The following PHTF2 variants were observed in gnomAD, a reference collection of about 807,000 sequenced individuals.
PHTF2 encodes protein PHTF2.
In PHTF2, 60 loss-of-function variants were observed where a neutral mutation model predicts 101.2. The observed-to-expected ratio is 0.59, with a 90% confidence interval of 0.48 to 0.73. The LOEUF (loss-of-function observed/expected upper bound fraction) is 0.73, where lower values mean the gene tolerates loss of function less well. Among genes scored for constraint, PHTF2 ranks in the 30% least tolerant of loss-of-function variants. The pLI is 0.00. For synonymous variants in PHTF2, 311 were observed against 307.3 expected (o/e 1.01, Z -0.13); for missense variants, 747 against 908.7 (o/e 0.82, Z 2.29).
chr7:77,862,954 C>T (rs1314468629), intron 3 of PHTF2, among the ~76,000 whole-genome samples: 1 of 152,128 alleles, frequency 6.6e-6, no homozygotes, highest in Non-Finnish European at 1.5e-5. Context: ...AACAGGTAAA[C>T]TTAGAAGCTA....
intron 3 of PHTF2, among the ~76,000 whole-genome samples, chr7:77,890,865 A>C (rs1244019447): frequency 6.6e-6 from 1 of 150,422 alleles, no homozygotes; most frequent in Non-Finnish European, 1.5e-5. Context: ...TCGGCCTCCC[A>C]AAGTGCTGGG....
Position 77,903,922 on chromosome 7 carries a change from A to G in PHTF2, c.445+2002A>G, listed in dbSNP as rs142905607. Among the ~76,000 whole-genome samples the G allele has an allele frequency of 7.3e-3, 1,108 of 152,292 alleles. 5 individuals carry two copies. Among genetic ancestry groups the G allele is most frequent in the Non-Finnish European group, 0.012 (812 of 68,034 alleles). On this transcript the variant is annotated intron_variant, in intron 7 of 19. Coordinates refer to ENST00000416283, the Ensembl canonical transcript of PHTF2. Reference sequence around the variant, plus strand: ...CAGTCAGATTTGGTTTTATATAACTATGTATAGTTTTTTTTATTTCAATTA... The same window carrying G: ...CAGTCAGATTTGGTTTTATATAACTGTGTATAGTTTTTTTTATTTCAATTA...
chr7:77,837,861 A>G (rs1795585405), intron 1 of PHTF2, among the ~76,000 whole-genome samples: 1 of 152,162 alleles, frequency 6.6e-6, no homozygotes, highest in African/African-American at 2.4e-5. Context: ...AATATCTGAT[A>G]TGTTTAATAG....
chr7:77,925,484 T>G (rs1276572400), intron 11 of PHTF2, among the ~76,000 whole-genome samples: 5 of 142,322 alleles, frequency 3.5e-5, no homozygotes, highest in African/African-American at 1.3e-4. Context: ...TTATAGGCAA[T>G]AGTTTTTAGG....
At chr7:77,901,915 T>C in exon 7 of PHTF2, 3 of 1,573,462 alleles carry the variant, frequency 1.9e-6, no homozygotes, top group Non-Finnish European at 1.7e-6. Context: ...CTTTATCTTC[T>C]TCAAGGTATA....
At chr7:77,946,264 G>A (rs547124759) in intron 16 of PHTF2, among the ~76,000 whole-genome samples, 20 of 152,234 alleles carry the variant, frequency 1.3e-4, no homozygotes, top group African/African-American at 4.6e-4. Context: ...CATGATACAA[G>A]GACTAGGAAG....
chr7:77,845,084 A>G (rs908931421), intron 2 of PHTF2, among the ~76,000 whole-genome samples: 1 of 152,208 alleles, frequency 6.6e-6, no homozygotes, highest in Non-Finnish European at 1.5e-5. Flanking sequence ...CTGCTTTCAT[A>G]TATCTAGTTT....
rs1421558669 is a variant in PHTF2 at position 77,813,783 on chromosome 7, C to T, written c.-36+14812C>T. On this transcript the variant is annotated intron_variant, in intron 1 of 19. Transcript: ENST00000416283. The stretch of plus-strand genomic sequence containing the variant: ...ACAGATTGAAACATTGGTTTCCTGA[C>T]TTACAGAAAATTTCTTCAGATTAAA... Among the ~76,000 whole-genome samples the T allele has an allele frequency of 4.6e-5, 7 of 152,172 alleles. No homozygotes were observed. In the South Asian group the frequency reaches 8.3e-4, roughly 18 times the overall value.
intron 3 of PHTF2, among the ~76,000 whole-genome samples, chr7:77,856,910 G>GA (rs1797230379): frequency 6.6e-6 from 1 of 152,026 alleles, no homozygotes; most frequent in Admixed American, 6.6e-5. Flanking sequence ...GATACTGAGG[G>GA]ATGACTTTAT....
At chr7:77,910,317 A>G (rs1323176047) in exon 9 of PHTF2, 1 of 1,613,608 alleles carries the variant, frequency 6.2e-7, no homozygotes, top group African/African-American at 1.3e-5. Context: ...ATAACACACA[A>G]GAGGGAGCAG....
intron 9 of PHTF2, among the ~76,000 whole-genome samples, chr7:77,917,923 G>T (rs1803085616): frequency 6.6e-6 from 1 of 152,180 alleles, no homozygotes; most frequent in Non-Finnish European, 1.5e-5. Context: ...CTACAGCTTA[G>T]TAAATTACTG....
intron 1 of PHTF2, among the ~76,000 whole-genome samples, chr7:77,830,834 G>T (rs906887364): frequency 6.6e-6 from 1 of 152,098 alleles, no homozygotes; most frequent in Non-Finnish European, 1.5e-5. Flanking sequence ...TGCATGACCC[G>T]CCCATTATTT....
At chr7:77,874,408 T>A (rs1440981078) in intron 3 of PHTF2, among the ~76,000 whole-genome samples, 1 of 152,038 alleles carries the variant, frequency 6.6e-6, no homozygotes, top group Non-Finnish European at 1.5e-5. Context: ...ACTATATATA[T>A]AAAGGAGAGT....
rs1795569167 is a variant in PHTF2 at position 77,837,605 on chromosome 7, C to T, written c.-35-2616C>T. Among the ~76,000 whole-genome samples, 3 of 151,954 alleles carry T rather than the reference C, an allele frequency of 2.0e-5. No individual in the cohort carries two copies. The South Asian group carries it at 6.2e-4, about 32-fold the overall frequency. On this transcript the variant is annotated intron_variant, in intron 1 of 19. Transcript: ENST00000416283. ...GTTTTTTTATTTTAAACAGAAAATT[C>T]GTTGAATTTTTATTTCTATAGACCC...
intron 12 of PHTF2, among the ~76,000 whole-genome samples, chr7:77,937,050 G>T (rs1473884080): frequency 6.6e-6 from 1 of 151,458 alleles, no homozygotes. Flanking sequence ...GAGGCTGAGT[G>T]CTTCAGTTTT....
chr7:77,913,863 T>A (rs970288550), intron 9 of PHTF2, among the ~76,000 whole-genome samples: 1 of 152,058 alleles, frequency 6.6e-6, no homozygotes, highest in Non-Finnish European at 1.5e-5. Context: ...GTGATCTGGT[T>A]TTATTCTGAT....
chr7:77,856,427 C>A (rs1797189387), intron 3 of PHTF2, among the ~76,000 whole-genome samples: 1 of 152,038 alleles, frequency 6.6e-6, no homozygotes, highest in Non-Finnish European at 1.5e-5. Flanking sequence ...GTGCTCATAT[C>A]TCACTGTAAC....
intron 6 of PHTF2, among the ~76,000 whole-genome samples, chr7:77,901,457 C>CAACAAACAAACA (rs3084625): frequency 4.4e-4 from 66 of 150,648 alleles, no homozygotes; most frequent in African/African-American, 1.5e-3. Flanking sequence ...GATCCTATCT[C>CAACAAACAAACA]AACAAACAAA....
At chr7:77,879,373 C>T (rs973536597) in intron 3 of PHTF2, among the ~76,000 whole-genome samples, 1 of 151,980 alleles carries the variant, frequency 6.6e-6, no homozygotes, top group African/African-American at 2.4e-5. Context: ...TATGGCCAAC[C>T]CCTCATGGCT....
Sources: gnomAD v4.1 joint callset for allele counts (sites outside exome capture counted in the v4.1 genomes callset) on GRCh38, gnomAD v4.1.1 for gene constraint, MANE v1.5 for transcripts, NCBI Gene and HGNC (gene_info 2026-07-23, HGNC 2026-07-21) for gene names.